Variants in TENM3 observed in about 807,000 individuals in gnomAD.
The protein encoded by TENM3 is teneurin-3.
A neutral mutation model predicts 255.1 loss-of-function variants in TENM3; 63 were observed. The ratio of observed to expected loss-of-function variants is 0.25; its 90% CI spans 0.20 to 0.30. The LOEUF is 0.30. TENM3 is among the 10% of genes least tolerant of loss of function. TENM3 has a pLI of 1.00. For missense variants in TENM3, 2,929 were observed against 3,461.1 expected (o/e 0.85, Z 3.86); for synonymous variants, 1,306 against 1,322.3 (o/e 0.99, Z 0.27).
chr4:181,456,127 A>ATGTGTGTGTGTG, the TENM3 span, among the ~76,000 whole-genome samples: 293 of 141,732 alleles, frequency 2.1e-3, no homozygotes, highest in Middle Eastern at 8.0e-3. Context: ...ATATATATAT[A>ATGTGTGTGTGTG]TGTGTGTGTG....
At chr4:182,144,079 T>A (rs181178511), upstream of TENM3, 1,240 of 151,820 alleles carry the variant, frequency 8.2e-3, 9 homozygotes, top group Non-Finnish European at 0.012. Context: ...AGCGGAGGAG[T>A]CAAGGATTAT....
chr4:182,295,619 A>C (rs1761438664), intron 1 of TENM3, among the ~76,000 whole-genome samples: 2 of 152,160 alleles, frequency 1.3e-5, no homozygotes, highest in African/African-American at 2.4e-5. Flanking sequence ...CCCTTGTAGC[A>C]AAAACAAATG....
intron 13 of TENM3, 104 bp downstream of exon 13, chr4:182,714,337 A>C (rs1758989090): frequency 3.7e-6 from 3 of 813,058 alleles, no homozygotes; most frequent in African/African-American, 1.8e-5. Context: ...AAAAAAAAAA[A>C]AACCTGATCC....
chr4:181,564,497 G>A, the TENM3 span, among the ~76,000 whole-genome samples: 3 of 152,060 alleles, frequency 2.0e-5, no homozygotes, highest in Non-Finnish European at 4.4e-5. Flanking sequence ...AAACGCCATG[G>A]AATAAGCCCC....
At chr4:182,569,298 T>A (rs922281951) in intron 3 of TENM3, among the ~76,000 whole-genome samples, 2 of 152,152 alleles carry the variant, frequency 1.3e-5, no homozygotes, top group African/African-American at 4.8e-5. Flanking sequence ...CTCACGCCTG[T>A]AATCCCAGCA....
At chr4:181,565,863 C>T in the TENM3 span, among the ~76,000 whole-genome samples, 1 of 152,244 alleles carries the variant, frequency 6.6e-6, no homozygotes, top group Non-Finnish European at 1.5e-5. Context: ...GGAAGAATTA[C>T]TGAAACCATT....
chr4:181,985,061 A>G, the TENM3 span, among the ~76,000 whole-genome samples: 1 of 152,074 alleles, frequency 6.6e-6, no homozygotes, highest in African/African-American at 2.4e-5. Flanking sequence ...GGCAATGCTC[A>G]TTCAGTCTTA....
At chr4:181,897,010 T>G in the TENM3 span, among the ~76,000 whole-genome samples, 1 of 152,324 alleles carries the variant, frequency 6.6e-6, no homozygotes, top group Non-Finnish European at 1.5e-5. Flanking sequence ...CAGCCTTTGT[T>G]GTCCATCCTA....
chr4:182,378,121 C>T (rs1033725973), intron 3 of TENM3, among the ~76,000 whole-genome samples: 12 of 152,286 alleles, frequency 7.9e-5, no homozygotes, highest in African/African-American at 2.9e-4. Context: ...TGAGCACTCC[C>T]AGTCTGTGCA....
chr4:181,973,132 C>A, the TENM3 span, among the ~76,000 whole-genome samples: 37 of 152,304 alleles, frequency 2.4e-4, no homozygotes, highest in African/African-American at 8.7e-4. Flanking sequence ...AAAAACCTGA[C>A]ATCATTGAAA....
At chr4:181,769,905 C>T in the TENM3 span, among the ~76,000 whole-genome samples, 2 of 152,056 alleles carry the variant, frequency 1.3e-5, no homozygotes, top group African/African-American at 4.8e-5. Context: ...GAGCCTAAAA[C>T]TAAGGGGAAA....
chr4:182,095,745 AT>A, the TENM3 span, among the ~76,000 whole-genome samples: 1 of 151,938 alleles, frequency 6.6e-6, no homozygotes, highest in South Asian at 2.1e-4. Flanking sequence ...AACAAAAAAA[AT>A]ATAAATTCTT....
intron 19 of TENM3, among the ~76,000 whole-genome samples, chr4:182,745,579 T>C (rs1370310614): frequency 6.6e-6 from 1 of 152,174 alleles, no homozygotes; most frequent in African/African-American, 2.4e-5. Flanking sequence ...CTCAGGGTTA[T>C]AAGTGACGTA....
chr4:181,548,975 C>T, the TENM3 span, among the ~76,000 whole-genome samples: 1 of 152,092 alleles, frequency 6.6e-6, no homozygotes, highest in Non-Finnish European at 1.5e-5. Context: ...ATGGGTAATC[C>T]TGTCAGCCTG....
At chr4:182,608,363 A>G (rs908800253) in intron 4 of TENM3, among the ~76,000 whole-genome samples, 2 of 152,108 alleles carry the variant, frequency 1.3e-5, no homozygotes, top group African/African-American at 2.4e-5. Context: ...GGTTCAAGCA[A>G]TCCTTCTGCC....
chr4:182,623,168 G>A (rs866632812), intron 4 of TENM3, among the ~76,000 whole-genome samples: 4 of 149,858 alleles, frequency 2.7e-5, no homozygotes, highest in South Asian at 2.1e-4. Flanking sequence ...CCACCACCAC[G>A]CCCGGCTAAA....
the TENM3 span, among the ~76,000 whole-genome samples, chr4:181,663,326 T>A: frequency 2.0e-5 from 3 of 152,178 alleles, no homozygotes; most frequent in East Asian, 5.8e-4. Context: ...TCCTGGGTTC[T>A]GCACATTCCC....
chr4:182,132,417 A>G, the TENM3 span, among the ~76,000 whole-genome samples: 2 of 152,110 alleles, frequency 1.3e-5, no homozygotes, highest in Non-Finnish European at 2.9e-5. Flanking sequence ...TGGGAGGTGG[A>G]GGTTGCAGTG....
intron 3 of TENM3, among the ~76,000 whole-genome samples, chr4:182,449,432 G>T (rs1773266595): frequency 6.8e-6 from 1 of 147,786 alleles, no homozygotes; most frequent in South Asian, 2.2e-4. Flanking sequence ...CGGGGAGAAT[G>T]GAGTCTTTTG....
Sources: allele counts gnomAD v4.1 joint callset (sites outside exome capture counted in the v4.1 genomes callset), GRCh38; gene constraint gnomAD v4.1.1; transcripts MANE v1.5; gene names NCBI Gene and HGNC (gene_info 2026-07-23, HGNC 2026-07-21).